IMMP2L: variants seen among roughly 807,000 people sequenced by gnomAD.
IMMP2L encodes inner mitochondrial membrane peptidase subunit 2.
A neutral mutation model predicts 19.3 loss-of-function variants in IMMP2L; 18 were observed. That is an observed-to-expected ratio of 0.93 (90% CI 0.64 to 1.38). The LOEUF (loss-of-function observed/expected upper bound fraction) is 1.38. Ranked by LOEUF, IMMP2L falls within the 40% of genes most tolerant of loss-of-function variation. The pLI is 0.00. For missense variants in IMMP2L, 233 were observed against 218.2 expected (o/e 1.07, Z -0.43); for synonymous variants, 76 against 73.0 (o/e 1.04, Z -0.21).
intron 3 of IMMP2L, among the ~76,000 whole-genome samples, chr7:111,151,066 C>G (rs1378121191): frequency 6.6e-6 from 1 of 152,198 alleles, no homozygotes; most frequent in African/African-American, 2.4e-5. Context: ...GCCAGTGTGA[C>G]TCCTGTGTAA....
chr7:111,256,242 C>G (rs1320819740), intron 3 of IMMP2L, among the ~76,000 whole-genome samples: 1 of 152,010 alleles, frequency 6.6e-6, no homozygotes, highest in Non-Finnish European at 1.5e-5. Context: ...CAAAGTTACA[C>G]AGTTACAAAA....
chr7:111,511,280 CT>C (rs1240093736), intron 2 of IMMP2L, among the ~76,000 whole-genome samples: 2 of 152,066 alleles, frequency 1.3e-5, no homozygotes, highest in Non-Finnish European at 2.9e-5. Flanking sequence ...CCTGGACTTT[CT>C]TTTTGCTTCT....
chr7:111,272,160 C>G (rs1046943790), intron 3 of IMMP2L, among the ~76,000 whole-genome samples: 10 of 152,080 alleles, frequency 6.6e-5, no homozygotes, highest in Non-Finnish European at 1.5e-4. Flanking sequence ...ATGTGGCTTC[C>G]CATAACCTCC....
chr7:111,157,468 C>T (rs1193835913), intron 3 of IMMP2L, among the ~76,000 whole-genome samples: 1 of 152,016 alleles, frequency 6.6e-6, no homozygotes, highest in Admixed American at 6.6e-5. Context: ...GTGAAATAAA[C>T]TAGGCACGAA....
At chr7:111,433,076 G>GA (rs755506580) in intron 3 of IMMP2L, among the ~76,000 whole-genome samples, 27 of 151,696 alleles carry the variant, frequency 1.8e-4, no homozygotes, top group Admixed American at 3.9e-4. Context: ...AATTTATAAA[G>GA]AAAAGAGGTT....
chr7:110,860,624 C>T (rs1459094148), intron 5 of IMMP2L, among the ~76,000 whole-genome samples: 2 of 152,200 alleles, frequency 1.3e-5, no homozygotes, highest in Admixed American at 6.5e-5. Flanking sequence ...TCATCTCATA[C>T]TCTACAAAAT....
Position 110,729,929 on chromosome 7 carries a change from ATT to A in IMMP2L, c.409-66210_409-66209del, listed in dbSNP as rs35261835. Among the ~76,000 whole-genome samples, 349 of 148,586 alleles carry A rather than the reference ATT, an allele frequency of 2.3e-3. 2 individuals carry two copies. The highest frequency in any genetic ancestry group is 0.015 in the South Asian group (69 of 4,692). On this transcript the variant is annotated intron_variant, in intron 5 of 5. Transcript: ENST00000405709. ...ACTCCAGAACTTAAAATAAAAGTTG[ATT>A]TTTTTTTTTTTTTAAAAAGCAACGC... is the stretch of plus-strand genomic sequence containing the variant.
chr7:110,785,978 C>A (rs1295017742), intron 5 of IMMP2L, among the ~76,000 whole-genome samples: 1 of 151,800 alleles, frequency 6.6e-6, no homozygotes, highest in Non-Finnish European at 1.5e-5. Flanking sequence ...GTATTTTCTG[C>A]AAGCCAGTCC....
intron 5 of IMMP2L, among the ~76,000 whole-genome samples, chr7:110,864,074 T>A (rs1005912482): frequency 6.6e-6 from 1 of 152,130 alleles, no homozygotes; most frequent in African/African-American, 2.4e-5. Flanking sequence ...GGATTTGTTA[T>A]GTTAGTTAAT....
chr7:111,237,748 T>A (rs1814507399), intron 3 of IMMP2L, among the ~76,000 whole-genome samples: 2 of 151,918 alleles, frequency 1.3e-5, no homozygotes, highest in South Asian at 2.1e-4. Context: ...ATTAGTCCAA[T>A]CTGCTGTTTA....
At chr7:111,433,781 A>C (rs1175349902) in intron 3 of IMMP2L, among the ~76,000 whole-genome samples, 6 of 151,844 alleles carry the variant, frequency 4.0e-5, no homozygotes, top group African/African-American at 1.5e-4. Context: ...ATACTGATGA[A>C]AGAAAGTGTA....
intron 3 of IMMP2L, among the ~76,000 whole-genome samples, chr7:111,328,123 C>T (rs1825510838): frequency 6.6e-6 from 1 of 151,664 alleles, no homozygotes; most frequent in Non-Finnish European, 1.5e-5. Context: ...ACTCAGAGAA[C>T]TTGTACGATT....
chr7:111,532,041 A>C (rs1847440742), intron 1 of IMMP2L, among the ~76,000 whole-genome samples: 1 of 152,154 alleles, frequency 6.6e-6, no homozygotes, highest in South Asian at 2.1e-4. Flanking sequence ...CCTTTCAAAA[A>C]TCAAAACTTA....
chr7:111,056,902 G>C (rs1793560665), intron 3 of IMMP2L, among the ~76,000 whole-genome samples: 1 of 152,108 alleles, frequency 6.6e-6, no homozygotes, highest in African/African-American at 2.4e-5. Flanking sequence ...GGCAGAGACA[G>C]AGGAAAATCC....
chr7:111,235,987 T>A (rs925783514), intron 3 of IMMP2L, among the ~76,000 whole-genome samples: 1 of 152,130 alleles, frequency 6.6e-6, no homozygotes, highest in South Asian at 2.1e-4. Context: ...ATTTTTTTCA[T>A]CTTAGGTCCT....
chr7:110,672,034 C>A (rs1427644498), intron 5 of IMMP2L, among the ~76,000 whole-genome samples: 23 of 151,542 alleles, frequency 1.5e-4, no homozygotes, highest in Admixed American at 1.4e-3. Context: ...AAAACAAAAA[C>A]AAAAAAAGAT....
At chr7:111,427,854 G>A (rs763766149) in intron 3 of IMMP2L, among the ~76,000 whole-genome samples, 1 of 151,690 alleles carries the variant, frequency 6.6e-6, no homozygotes, top group Admixed American at 6.6e-5. Flanking sequence ...AGAGCCTCAG[G>A]CTCAGTTCTA....
chr7:111,007,414 G>A (rs1331770176), intron 3 of IMMP2L, among the ~76,000 whole-genome samples: 2 of 152,090 alleles, frequency 1.3e-5, no homozygotes, highest in Non-Finnish European at 2.9e-5. Context: ...ATTTGACACA[G>A]CTGATCACTC....
At chr7:110,722,382 C>CT (rs1237871461) in intron 5 of IMMP2L, among the ~76,000 whole-genome samples, 2 of 152,062 alleles carry the variant, frequency 1.3e-5, no homozygotes, top group South Asian at 2.1e-4. Context: ...CCATCTCTGC[C>CT]TTTTTTAGAG....
Sources: gnomAD v4.1 joint callset for allele counts (sites outside exome capture counted in the v4.1 genomes callset) on GRCh38, gnomAD v4.1.1 for gene constraint, MANE v1.5 for transcripts, NCBI Gene and HGNC (gene_info 2026-07-23, HGNC 2026-07-21) for gene names.